ADGRL1: variants seen among roughly 807,000 people sequenced by gnomAD.
The protein encoded by ADGRL1 is CIRL-1.
Under a neutral mutation model 148.9 loss-of-function variants are expected in ADGRL1, and 31 were observed. The observed-to-expected ratio is 0.21, with a 90% confidence interval of 0.16 to 0.28. The LOEUF is 0.28. ADGRL1 is among the 10% of genes least tolerant of loss of function. The probability of loss-of-function intolerance (pLI) is 1.00; values close to 1 mark genes in which losing one functional copy is unlikely to be tolerated. For missense variants in ADGRL1, 1,521 were observed against 2,058.8 expected (o/e 0.74, Z 5.05); for synonymous variants, 937 against 900.3 (o/e 1.04, Z -0.73).
In ADGRL1 at chr19:14,159,272, G is replaced by A; in HGVS notation, c.2024-57C>T. On this transcript the variant is annotated intron_variant, in intron 10 of 22. Transcript: ENST00000361434. This position sits in a 1 kb window ranked among gnomAD's most constrained non-coding sequence, Gnocchi z 6.0. ...AGTTGGGGTCTGTTCCCAGTCCAGG[G>A]GCTCAGGCTGCAGAACGAGACTCTG... 6.3e-7 allele frequency: 1 copy of A among 1,595,884 alleles called. No homozygotes were observed. Among genetic ancestry groups the A allele is most frequent in the South Asian group, 1.1e-5 (1 of 89,436 alleles).
At chr19:14,197,933 G>A (rs865798672) in intron 1 of ADGRL1, among the ~76,000 whole-genome samples, 2 of 152,332 alleles carry the variant, frequency 1.3e-5, no homozygotes, top group Middle Eastern at 3.4e-3. Flanking sequence ...GGAGGAAGGT[G>A]TGCTTGACAG....
chr19:14,158,592 A>C (rs1399509631), intron 11 of ADGRL1, 40 bp from the exon 12 acceptor site: 2 of 1,532,430 alleles, frequency 1.3e-6, no homozygotes, highest in East Asian at 4.5e-5. Flanking sequence ...CAGCATCCTC[A>C]GCTGGCGCAC....
rs1004740534 is a variant in ADGRL1 at position 14,148,419 on chromosome 19, C to G, written c.*2454G>C. 6.6e-6 allele frequency: 1 copy of G among 152,332 alleles called. No homozygotes were observed. Among genetic ancestry groups the G allele is most frequent in the Non-Finnish European group, 1.5e-5 (1 of 68,146 alleles). 9.4% of individuals were successfully genotyped at this position (152,332 alleles called of 1,614,324 possible). On this transcript the variant is annotated 3_prime_UTR_variant, in exon 23 of 23. Coordinates refer to ENST00000361434, the MANE Select transcript of ADGRL1 (RefSeq NM_014921.5). Reference sequence around the variant, plus strand: ...GGGAGGAAGTTGGCCTCTCTGTGTGCCTCAGCCCCCTGGAACTCTCCTGGC... The same window carrying G: ...GGGAGGAAGTTGGCCTCTCTGTGTGGCTCAGCCCCCTGGAACTCTCCTGGC...
intron 1 of ADGRL1, among the ~76,000 whole-genome samples, chr19:14,199,714 C>T (rs1044805032): frequency 2.0e-5 from 3 of 152,010 alleles, no homozygotes; most frequent in East Asian, 1.9e-4. Context: ...CTACTGTGCC[C>T]GGCTGTTGCA....
Position 14,162,827 on chromosome 19 carries a change from G to A in ADGRL1, c.974C>T (p.Ser325Phe), listed in dbSNP as rs1276020883. Residue 325 changes from serine (S) to phenylalanine (F), a missense_variant, in exon 5 of 23, where the codon TCC (serine) becomes TTC (phenylalanine). Coordinates refer to ENST00000361434, the MANE Select transcript of ADGRL1 (RefSeq NM_014921.5). The surrounding 1 kb of genome is among the most constrained non-coding windows in gnomAD (Gnocchi z 5.4). ...MVCGVLYVLR[S>F]VYVDDDSEAA... ...CTCGCTGTCATCATCCACGTACACG[G>A]AACGCAGGACGTACAGGACCCCACA... 1 of 1,613,924 alleles carries A rather than the reference G, an allele frequency of 6.2e-7. No individual in the cohort carries two copies. Among genetic ancestry groups the A allele is most frequent in the Admixed American group, 1.7e-5 (1 of 59,990 alleles).
intron 1 of ADGRL1, among the ~76,000 whole-genome samples, chr19:14,202,937 A>T (rs750060850): frequency 4.6e-5 from 7 of 152,158 alleles, no homozygotes; most frequent in Admixed American, 6.5e-5. Context: ...CCACACAGGC[A>T]GAGGACACCT....
chr19:14,190,878 A>G (rs988009438), intron 1 of ADGRL1, among the ~76,000 whole-genome samples: 35 of 152,286 alleles, frequency 2.3e-4, no homozygotes, highest in African/African-American at 7.9e-4. Flanking sequence ...ACCTGAGGTC[A>G]GGAGTTCAAG....
chr19:14,183,621 G>C lies in ADGRL1; in HGVS notation c.-19C>G. ...GGGCCATGGTGGCAGCCGGGTGCGT[G>C]TCCGGAGCTCTCAGTGGCCTGTGCG... On this transcript the variant is annotated 5_prime_UTR_variant, in exon 2 of 23. Coordinates refer to ENST00000361434, the MANE Select transcript of ADGRL1 (RefSeq NM_014921.5). 1 of 1,560,384 alleles carries C rather than the reference G, an allele frequency of 6.4e-7. No individual in the cohort carries two copies. The highest frequency in any genetic ancestry group is 8.7e-7 in the Non-Finnish European group (1 of 1,151,570).
intron 1 of ADGRL1, among the ~76,000 whole-genome samples, chr19:14,190,083 G>A (rs1971835894): frequency 1.3e-5 from 2 of 152,040 alleles, no homozygotes; most frequent in South Asian, 2.1e-4. Flanking sequence ...GGGCACCACC[G>A]TGCCTGGTTA....
chr19:14,195,119 A>G (rs368809492), intron 1 of ADGRL1, among the ~76,000 whole-genome samples: 4 of 152,070 alleles, frequency 2.6e-5, no homozygotes, highest in African/African-American at 9.7e-5. Context: ...TCCTGGGCTC[A>G]AGCGATCCTC....
In ADGRL1 at chr19:14,160,003, A is replaced by C. The variant is rs1439403201; in HGVS notation, c.1800+109T>G. ...GGGGGGGGTCCTTCCTCTCTGAGGA[A>C]AGGAGTGGAGGTGGCAGCCTGGCTG... On this transcript the variant is annotated intron_variant, in intron 8 of 22. Coordinates refer to ENST00000361434, the MANE Select transcript of ADGRL1 (RefSeq NM_014921.5). This position sits in a 1 kb window ranked among gnomAD's most constrained non-coding sequence, Gnocchi z 5.9. The C allele has an allele frequency of 4.9e-6, 6 of 1,215,356 alleles. No individual in the cohort carries two copies. The highest frequency in any genetic ancestry group is 6.8e-6 in the Non-Finnish European group (6 of 879,894). 75.3% of individuals were successfully genotyped at this position (1,215,356 alleles called of 1,614,324 possible). A position where few individuals can be genotyped will look rare whatever the true frequency, so the allele number is the denominator to read the frequency against.
rs1379018601 is a variant in ADGRL1 at position 14,204,759 on chromosome 19, A to C, written c.-96+1226T>G. 1.7e-4 allele frequency among the ~76,000 whole-genome samples: 26 copies of C among 150,792 alleles called. 1 individual carries two copies. The South Asian group carries it at 4.4e-3, about 26-fold the overall frequency. On this transcript the variant is annotated intron_variant, in intron 1 of 22. Transcript: ENST00000361434. The stretch of plus-strand genomic sequence containing the variant: ...GAGAGAGACAGACAGAGAGAGAGAG[A>C]GCGCGCGAGCCAGCCATCTTGGCAG...
In ADGRL1 at chr19:14,162,712, G is replaced by A. The variant is rs1031142704; in HGVS notation, c.1089C>T (p.Phe363=). 2.5e-6 allele frequency: 4 copies of A among 1,614,066 alleles called. No individual in the cohort carries two copies. The highest frequency in any genetic ancestry group is 2.5e-6 in the Non-Finnish European group (3 of 1,180,030). Reference sequence around the variant, plus strand: ...GAGGGTTGTAGTCAACGGAGGAGATGAACTGGTAGGGGTTGGGGAAGGTGA... The same window carrying A: ...GAGGGTTGTAGTCAACGGAGGAGATAAACTGGTAGGGGTTGGGGAAGGTGA... ...VSLTFPNPYQ[F]ISSVDYNPRD... is the part of the protein sequence containing the mutation. Residue 363 remains phenylalanine (F), a synonymous_variant, in exon 5 of 23, where the codon TTC becomes TTT. Transcript: ENST00000361434. This position sits in a 1 kb window ranked among gnomAD's most constrained non-coding sequence, Gnocchi z 5.4.
chr19:14,160,227 G>A lies in ADGRL1; in HGVS notation c.1685C>T (p.Ala562Val), dbSNP rs41276902. Residue 562 changes from alanine to valine, a missense_variant, in exon 8 of 23, where the codon GCG becomes GTG. Coordinates refer to ENST00000361434, the MANE Select transcript of ADGRL1 (RefSeq NM_014921.5). This position sits in a 1 kb window ranked among gnomAD's most constrained non-coding sequence, Gnocchi z 5.9. ...LARHTRGSIY[A>V]GDVSSSVKLM... ...CTTCACAGAGGAGGAGACGTCCCCCGCGTAGATGGAGCCCCGGGTGTGTCG... is the reference window on the plus strand; with the variant it reads ...CTTCACAGAGGAGGAGACGTCCCCCACGTAGATGGAGCCCCGGGTGTGTCG... 3.0e-4 allele frequency: 479 copies of A among 1,600,984 alleles called. No homozygotes were observed. Among genetic ancestry groups the A allele is most frequent in the Non-Finnish European group, 4.0e-4 (462 of 1,169,300 alleles).
chr19:14,160,072 G>A lies in ADGRL1; in HGVS notation c.1800+40C>T, dbSNP rs367579880. ...ACTTCCCAAGCCCCTGGGGGCAGGC[G>A]CCCTCCCCATACCAGGTCAGCGCCA... On this transcript the variant is annotated intron_variant, in intron 8 of 22. Coordinates refer to ENST00000361434, the MANE Select transcript of ADGRL1 (RefSeq NM_014921.5). The surrounding 1 kb of genome is among the most constrained non-coding windows in gnomAD (Gnocchi z 5.9). 3.7e-5 allele frequency: 56 copies of A among 1,533,572 alleles called. No individual in the cohort carries two copies. The highest frequency in any genetic ancestry group is 7.3e-5 in the South Asian group (6 of 82,042). 95.0% of individuals were successfully genotyped at this position (1,533,572 alleles called of 1,614,324 possible).
In ADGRL1 at chr19:14,157,777, TG is replaced by T; in HGVS notation, c.2535+104del. ...CAAGACCAGGGGCCCCCCACACCCA[TG>T]GGGCTAGCCTCCCCTGGTACTGCCC... On this transcript the variant is annotated intron_variant, in intron 13 of 22. Coordinates refer to ENST00000361434, the MANE Select transcript of ADGRL1 (RefSeq NM_014921.5). The surrounding 1 kb of genome is among the most constrained non-coding windows in gnomAD (Gnocchi z 7.5). 7.2e-7 allele frequency: 1 copy of T among 1,396,158 alleles called. No homozygotes were observed. The highest frequency in any genetic ancestry group is 9.7e-7 in the Non-Finnish European group (1 of 1,036,238). 86.5% of individuals were successfully genotyped at this position (1,396,158 alleles called of 1,614,324 possible). A position where few individuals can be genotyped will look rare whatever the true frequency, so the allele number is the denominator to read the frequency against.
At chr19:14,153,617 G>A (rs1240703236) in intron 18 of ADGRL1, among the ~76,000 whole-genome samples, 3 of 142,134 alleles carry the variant, frequency 2.1e-5, no homozygotes, top group African/African-American at 5.3e-5. Context: ...TAGTAGAGAC[G>A]GGGTTTCACC....
In ADGRL1 at chr19:14,151,023, G is replaced by A. The variant is rs1055974115; in HGVS notation, c.4260C>T (p.Thr1420=). ...APPGPPEIYY[T]SRPPALVARN... Reference sequence around the variant, plus strand: ...GGGCCACCAGGGCTGGCGGGCGCGAGGTGTAGTAGATTTCGGGGGGGCCGG... The same window carrying A: ...GGGCCACCAGGGCTGGCGGGCGCGAAGTGTAGTAGATTTCGGGGGGGCCGG... The change falls in exon 23 of 23, where the codon ACC becomes ACT. Residue 1420 remains threonine, a synonymous_variant. Transcript: ENST00000361434. The A allele has an allele frequency of 7.7e-6, 12 of 1,548,890 alleles. No homozygotes were observed. The Admixed American group carries it at 9.9e-5, about 13-fold the overall frequency.
chr19:14,151,534 C>G lies in ADGRL1; in HGVS notation c.3749G>C (p.Arg1250Pro), dbSNP rs775561998. 1 of 1,611,222 alleles carries G rather than the reference C, an allele frequency of 6.2e-7. No individual in the cohort carries two copies. Among genetic ancestry groups the G allele is most frequent in the South Asian group, 1.1e-5 (1 of 90,786 alleles). Residue 1250 changes from arginine (R) to proline (P), a missense_variant, in exon 23 of 23, where the codon CGA becomes CCA. Physicochemically the swap from Arg to Pro is moderately radical, Grantham distance 103. Transcript: ENST00000361434. ...NGNFNNSYSL[R>P]SGDFPPGDGG... ...ATCCCCGGGAGGGAAATCCCCACTT[C>G]GCAAGGAGTAACTGTTATTGAAGTT...
Sources: allele counts gnomAD v4.1 joint callset (sites outside exome capture counted in the v4.1 genomes callset), GRCh38; gene constraint gnomAD v4.1.1; non-coding constraint Gnocchi (gnomAD v3.1); transcripts MANE v1.5; gene names NCBI Gene and HGNC (gene_info 2026-07-23, HGNC 2026-07-21).